Variants in POFUT3 observed in about 807,000 individuals in gnomAD.
The protein encoded by POFUT3 is protein O-fucosyltransferase 3.
At chr8:33,414,380 T>A in the POFUT3 span, among the ~76,000 whole-genome samples, 1 of 152,174 alleles carries the variant, frequency 6.6e-6, no homozygotes, top group Non-Finnish European at 1.5e-5. Flanking sequence ...TCCTCCTAAA[T>A]ATCATTTACT....
chr8:33,328,303 T>C, the POFUT3 span, among the ~76,000 whole-genome samples: 1 of 152,046 alleles, frequency 6.6e-6, no homozygotes, highest in African/African-American at 2.4e-5. Context: ...CATTAGAGCA[T>C]GGAGTGGTTG....
At chr8:33,331,689 T>TG in the POFUT3 span, among the ~76,000 whole-genome samples, 28 of 152,038 alleles carry the variant, frequency 1.8e-4, no homozygotes, top group Admixed American at 1.4e-3. Context: ...TTGTTGTTGT[T>TG]TTTTGAGACG....
At chr8:33,471,701 ATTGT>A in the POFUT3 span, among the ~76,000 whole-genome samples, 7 of 152,206 alleles carry the variant, frequency 4.6e-5, no homozygotes, top group Non-Finnish European at 1.0e-4. Context: ...TTTCAAAAAT[ATTGT>A]TTGTAAGATA....
At chr8:33,408,507 A>C in the POFUT3 span, among the ~76,000 whole-genome samples, 1 of 152,184 alleles carries the variant, frequency 6.6e-6, no homozygotes, top group South Asian at 2.1e-4. Context: ...ACTCCTATCA[A>C]AGAAGAAAAA....
At chr8:33,373,596 T>G in the POFUT3 span, among the ~76,000 whole-genome samples, 1 of 151,980 alleles carries the variant, frequency 6.6e-6, no homozygotes, top group South Asian at 2.1e-4. Context: ...CATTCCAAGT[T>G]CAAGTCCAAG....
At chr8:33,327,817 C>T in the POFUT3 span, among the ~76,000 whole-genome samples, 1 of 152,142 alleles carries the variant, frequency 6.6e-6, no homozygotes, top group Non-Finnish European at 1.5e-5. Flanking sequence ...GTGACTAATT[C>T]CTGTTGGCCC....
chr8:33,313,497 A>G, the POFUT3 span, among the ~76,000 whole-genome samples: 1 of 151,866 alleles, frequency 6.6e-6, no homozygotes, highest in African/African-American at 2.4e-5. Flanking sequence ...CTTGAGCTGT[A>G]CTTTCTCTGA....
At chr8:33,352,548 T>G in the POFUT3 span, among the ~76,000 whole-genome samples, 2 of 152,256 alleles carry the variant, frequency 1.3e-5, no homozygotes, top group East Asian at 3.9e-4. Context: ...CCCACATAAG[T>G]GTATTTTCAC....
chr8:33,398,860 G>T, the POFUT3 span, among the ~76,000 whole-genome samples: 7 of 152,200 alleles, frequency 4.6e-5, no homozygotes, highest in African/African-American at 1.7e-4. Context: ...ATGTGAGGAG[G>T]TAGGGTAGGG....
chr8:33,467,107 A>C, the POFUT3 span, among the ~76,000 whole-genome samples: 1 of 151,372 alleles, frequency 6.6e-6, no homozygotes, highest in African/African-American at 2.4e-5. Flanking sequence ...CTCTGTCTCA[A>C]AAAAAACACA....
the POFUT3 span, among the ~76,000 whole-genome samples, chr8:33,354,989 A>G: frequency 2.6e-5 from 4 of 152,334 alleles, no homozygotes; most frequent in Admixed American, 2.6e-4. Context: ...TTACACAAAT[A>G]TGTGATCTTT....
At chr8:33,308,372 CTGTCT>C in the POFUT3 span, among the ~76,000 whole-genome samples, 1 of 152,182 alleles carries the variant, frequency 6.6e-6, no homozygotes, top group Admixed American at 6.5e-5. Context: ...CAGTCCTATT[CTGTCT>C]CTGGCTAATG....
At chr8:33,453,449 C>T in the POFUT3 span, 1 of 1,613,818 alleles carries the variant, frequency 6.2e-7, no homozygotes, top group South Asian at 1.1e-5. Flanking sequence ...TTTTGTATGT[C>T]CATCTTGCAA....
chr8:33,392,611 AC>A, the POFUT3 span, among the ~76,000 whole-genome samples: 7 of 151,786 alleles, frequency 4.6e-5, no homozygotes, highest in African/African-American at 1.7e-4. Context: ...AAATAAAAAC[AC>A]GTCATTTTGC....
At chr8:33,373,372 GT>G in the POFUT3 span, among the ~76,000 whole-genome samples, 1 of 152,122 alleles carries the variant, frequency 6.6e-6, no homozygotes, top group Non-Finnish European at 1.5e-5. Context: ...ACTAATCCCT[GT>G]TTTTAATATA....
At chr8:33,384,529 C>A in the POFUT3 span, among the ~76,000 whole-genome samples, 2 of 152,076 alleles carry the variant, frequency 1.3e-5, no homozygotes, top group Non-Finnish European at 2.9e-5. Flanking sequence ...TTACAGAATG[C>A]CTTCTTCAGG....
At chr8:33,447,453 GA>G in the POFUT3 span, among the ~76,000 whole-genome samples, 15,639 of 148,200 alleles carry the variant, frequency 0.11, 1,236 homozygotes, top group African/African-American at 0.22. Context: ...CATCTCAAAG[GA>G]AAAAAAAAAA....
At chr8:33,320,478 A>C in the POFUT3 span, among the ~76,000 whole-genome samples, 59 of 152,206 alleles carry the variant, frequency 3.9e-4, no homozygotes, top group Admixed American at 5.2e-4. Flanking sequence ...CACTATTTGC[A>C]ATGGTTTCTC....
At chr8:33,445,688 G>A in the POFUT3 span, among the ~76,000 whole-genome samples, 1 of 152,102 alleles carries the variant, frequency 6.6e-6, no homozygotes, top group African/African-American at 2.4e-5. Flanking sequence ...GGAACTAAAA[G>A]GACAGATATC....
Sources: gnomAD v4.1 joint callset for allele counts (sites outside exome capture counted in the v4.1 genomes callset) on GRCh38, gnomAD v4.1.1 for gene constraint, MANE v1.5 for transcripts, NCBI Gene and HGNC (gene_info 2026-07-23, HGNC 2026-07-21) for gene names.